Variants in MAGI2 observed in about 807,000 individuals in gnomAD.
MAGI2 encodes the protein membrane associated guanylate kinase, WW and PDZ domain containing 2.
In MAGI2, 35 loss-of-function variants were observed where a neutral mutation model predicts 133.3. The observed-to-expected ratio is 0.26, with a 90% CI of 0.20 to 0.35. The LOEUF is 0.35. MAGI2 is among the 10% of genes least tolerant of loss of function. The probability of loss-of-function intolerance (pLI) is 1.00; values close to 1 mark genes in which losing one functional copy is unlikely to be tolerated. For missense variants in MAGI2, 1,636 were observed against 1,863.4 expected, an observed-to-expected ratio of 0.88 and a Z score of 2.25; for synonymous variants, 729 against 710.6, an observed-to-expected ratio of 1.03 and a Z score of -0.41.
chr7:78,210,401 A>C (rs547425272), intron 10 of MAGI2, among the ~76,000 whole-genome samples: 1 of 152,290 alleles, frequency 6.6e-6, no homozygotes, highest in African/African-American at 2.4e-5. Context: ...TATAAAGGAG[A>C]AGATGAAATC....
At chr7:79,208,061 TA>T (rs1307413469) in intron 1 of MAGI2, among the ~76,000 whole-genome samples, 2 of 151,982 alleles carry the variant, frequency 1.3e-5, no homozygotes, top group East Asian at 3.9e-4. Context: ...GATTTACATG[TA>T]AGACCCAAAA....
chr7:78,328,772 G>A (rs756167361), intron 9 of MAGI2, among the ~76,000 whole-genome samples: 19 of 151,974 alleles, frequency 1.3e-4, no homozygotes, highest in Non-Finnish European at 2.5e-4. Context: ...ATGAGGACAC[G>A]GGAGAAAATA....
chr7:78,078,055 G>A (rs556927646), intron 21 of MAGI2: 10 of 150,948 alleles, frequency 6.6e-5, no homozygotes. Flanking sequence ...TTTTGGGTAG[G>A]TGATAGAAGG....
intron 5 of MAGI2, 51 bp from the exon 6 acceptor site, chr7:78,489,891 G>A (rs1250483497): frequency 1.6e-6 from 2 of 1,260,218 alleles, no homozygotes; most frequent in Non-Finnish European, 2.2e-6. Flanking sequence ...AAGGAATCAA[G>A]TTTATTCCTT....
chr7:79,011,876 CCTTCCTTT>C lies in MAGI2; in HGVS notation c.302-4678_302-4671del, dbSNP rs1214011456. 2.3e-3 allele frequency among the ~76,000 whole-genome samples: 232 copies of C among 99,508 alleles called. 5 individuals are homozygous for C. The highest frequency in any genetic ancestry group is 7.6e-3 in the African/African-American group (212 of 27,784). The allele number at this position is 99,508 out of a possible 152,430, so 65.3% of individuals were successfully genotyped here. ...TTCTTTTGGTAGAAGATCCTTCCTTCCTTCCTTTCTTCCTTCCTTCCTTCCTTCCTTCC... is the reference window on the plus strand; with the variant it reads ...TTCTTTTGGTAGAAGATCCTTCCTTCCTTCCTTCCTTCCTTCCTTCCTTCC... On this transcript the variant is annotated intron_variant, in intron 1 of 21. Coordinates refer to ENST00000354212, the MANE Select transcript of MAGI2 (RefSeq NM_012301.4).
intron 2 of MAGI2, among the ~76,000 whole-genome samples, chr7:78,810,840 A>C (rs902912131): frequency 6.6e-6 from 1 of 152,168 alleles, no homozygotes; most frequent in African/African-American, 2.4e-5. Flanking sequence ...AAAATAAATA[A>C]TTATTTCTTA....
chr7:78,914,345 T>C lies in MAGI2; in HGVS notation c.418+92745A>G, dbSNP rs555481717. Among the ~76,000 whole-genome samples, 3 of 152,322 alleles carry C rather than the reference T, an allele frequency of 2.0e-5. No individual in the cohort carries two copies. In the South Asian group the frequency reaches 6.2e-4, roughly 32 times the overall value. On this transcript the variant is annotated intron_variant, in intron 2 of 21. Transcript: ENST00000354212. ...ACTACAAAGAACAAATGTAATTTAG[T>C]GAATTATTAATAAGACTAAAAATTC...
In MAGI2 at chr7:78,125,070, T is replaced by C. The variant is rs560728119; in HGVS notation, c.3567+624A>G. Among the ~76,000 whole-genome samples, 12 of 152,210 alleles carry C rather than the reference T, an allele frequency of 7.9e-5. No individual in the cohort carries two copies. In the East Asian group the frequency reaches 2.3e-3, roughly 29 times the overall value. ...TAGTAGAGATGGGGTTTCACAGTGTTAGCCAGGTTGTTCTCCATCTCTTGA... is the reference window on the plus strand; with the variant it reads ...TAGTAGAGATGGGGTTTCACAGTGTCAGCCAGGTTGTTCTCCATCTCTTGA... On this transcript the variant is annotated intron_variant, in intron 20 of 21. Transcript: ENST00000354212.
chr7:79,306,528 G>A (rs1474470427), intron 1 of MAGI2, among the ~76,000 whole-genome samples: 1 of 151,708 alleles, frequency 6.6e-6, no homozygotes, highest in African/African-American at 2.4e-5. Flanking sequence ...TGTAATATTT[G>A]CATAGATGAG....
chr7:79,280,246 C>T lies in MAGI2; in HGVS notation c.301+172774G>A, dbSNP rs1585414027. On this transcript the variant is annotated intron_variant, in intron 1 of 21. Coordinates refer to ENST00000354212, the MANE Select transcript of MAGI2 (RefSeq NM_012301.4). ...CTTTCTGGGAGCACTGGGGATTTAT[C>T]TATTCTTTGTAGAGATTTGATCAGA... Among the ~76,000 whole-genome samples the T allele has an allele frequency of 3.3e-5, 5 of 152,232 alleles. No individual in the cohort carries two copies. In the South Asian group the frequency reaches 1.0e-3, roughly 32 times the overall value.
chr7:78,044,940 G>A (rs903067657), intron 21 of MAGI2, among the ~76,000 whole-genome samples: 1 of 152,186 alleles, frequency 6.6e-6, no homozygotes, highest in East Asian at 1.9e-4. Flanking sequence ...AGGCCAAGGC[G>A]GGTGGATCAC....
intron 2 of MAGI2, among the ~76,000 whole-genome samples, chr7:78,952,289 T>G (rs1374681694): frequency 6.6e-6 from 1 of 152,162 alleles, no homozygotes; most frequent in Admixed American, 6.6e-5. Context: ...GTGACTCTGA[T>G]ATGGGTGGTC....
intron 1 of MAGI2, among the ~76,000 whole-genome samples, chr7:79,399,183 C>T (rs1845296821): frequency 6.7e-6 from 1 of 149,644 alleles, no homozygotes; most frequent in African/African-American, 2.5e-5. Context: ...CAAACTCTGC[C>T]TCCCCGGTTC....
chr7:78,114,684 G>A (rs777797958), intron 20 of MAGI2, among the ~76,000 whole-genome samples: 26 of 152,262 alleles, frequency 1.7e-4, no homozygotes, highest in Admixed American at 2.6e-4. Context: ...CTCTGTGCCC[G>A]GGACCCAGGA....
intron 20 of MAGI2, among the ~76,000 whole-genome samples, chr7:78,110,607 T>A (rs1233268235): frequency 6.6e-6 from 1 of 152,232 alleles, no homozygotes; most frequent in Admixed American, 6.5e-5. Context: ...GATCCCCATA[T>A]GGAGAAGTAC....
intron 3 of MAGI2, among the ~76,000 whole-genome samples, chr7:78,555,801 C>T (rs1799773127): frequency 6.6e-6 from 1 of 152,114 alleles, no homozygotes; most frequent in Non-Finnish European, 1.5e-5. Flanking sequence ...AAGTACTCAG[C>T]CCAAAGATGT....
chr7:79,339,993 A>T (rs1463745967), intron 1 of MAGI2, among the ~76,000 whole-genome samples: 1 of 152,178 alleles, frequency 6.6e-6, no homozygotes, highest in Non-Finnish European at 1.5e-5. Flanking sequence ...TGTAGCAGAA[A>T]GATATGTCTC....
At chr7:79,432,427 C>A (rs1847839647) in intron 1 of MAGI2, among the ~76,000 whole-genome samples, 1 of 152,150 alleles carries the variant, frequency 6.6e-6, no homozygotes, top group Non-Finnish European at 1.5e-5. Flanking sequence ...CAGCTTTTTC[C>A]ATGAGCCTGA....
intron 2 of MAGI2, among the ~76,000 whole-genome samples, chr7:78,732,290 GC>G (rs1011027896): frequency 6.6e-6 from 1 of 152,062 alleles, no homozygotes; most frequent in African/African-American, 2.4e-5. Flanking sequence ...AAGACTCTGA[GC>G]CCCAGATATG....
Sources: gnomAD v4.1 joint callset for allele counts (sites outside exome capture counted in the v4.1 genomes callset) on GRCh38, gnomAD v4.1.1 for gene constraint, MANE v1.5 for transcripts, NCBI Gene and HGNC (gene_info 2026-07-23, HGNC 2026-07-21) for gene names.